The following SEMA4D variants were observed in gnomAD, a reference collection of about 807,000 sequenced individuals.
SEMA4D encodes semaphorin 4D.
In SEMA4D, 22 loss-of-function variants were observed where a neutral mutation model predicts 74.8. The ratio of observed to expected loss-of-function variants is 0.29; its 90% CI spans 0.21 to 0.42. The LOEUF is 0.42. Among genes scored for constraint, SEMA4D ranks in the 10% least tolerant of loss-of-function variants. SEMA4D has a pLI of 1.00. For missense variants in SEMA4D, 937 were observed against 1,118.4 expected (o/e 0.84, Z 2.31); for synonymous variants, 445 against 463.7 (o/e 0.96, Z 0.52).
intron 1 of SEMA4D, among the ~76,000 whole-genome samples, chr9:89,470,881 A>T (rs746530505): frequency 1.3e-5 from 2 of 152,204 alleles, no homozygotes; most frequent in South Asian, 4.1e-4. Context: ...AGCAGTTATA[A>T]GTGATTGGGA....
At chr9:89,461,201 A>C (rs762247286) in intron 1 of SEMA4D, among the ~76,000 whole-genome samples, 4 of 152,184 alleles carry the variant, frequency 2.6e-5, no homozygotes, top group Admixed American at 6.5e-5. Flanking sequence ...TACAAGGCTT[A>C]AGGTGGTGTG....
chr9:89,427,711 T>C (rs572719971), intron 2 of SEMA4D, among the ~76,000 whole-genome samples: 2 of 152,306 alleles, frequency 1.3e-5, no homozygotes, highest in East Asian at 1.9e-4. Flanking sequence ...CCCTGCAAAG[T>C]CCCATCCCGG....
At chr9:89,443,185 G>A (rs1239473970) in intron 2 of SEMA4D, among the ~76,000 whole-genome samples, 1 of 152,232 alleles carries the variant, frequency 6.6e-6, no homozygotes, top group East Asian at 1.9e-4. Context: ...AGACTTCCCT[G>A]TCAGTGGCGG....
At position 89,437,012 on chromosome 9, in the gene SEMA4D, C is replaced by T. The variant is rs540890628; in HGVS notation, c.-244+18876G>A. On this transcript the variant is annotated intron_variant, in intron 2 of 15. Transcript: ENST00000422704. Reference sequence around the variant, plus strand: ...TGTCCAGCCTTGGACTCAGGAATCACGAAGACAGCTCAGTCAAGAGGTAGC... The same window carrying T: ...TGTCCAGCCTTGGACTCAGGAATCATGAAGACAGCTCAGTCAAGAGGTAGC... Among the ~76,000 whole-genome samples, 29 of 152,316 alleles carry T rather than the reference C, an allele frequency of 1.9e-4. No homozygotes were observed. In the East Asian group the frequency reaches 4.8e-3, roughly 25 times the overall value.
chr9:89,366,358 T>TAA (rs1453961315), intron 16 of SEMA4D, among the ~76,000 whole-genome samples: 3 of 152,222 alleles, frequency 2.0e-5, no homozygotes, highest in African/African-American at 7.2e-5. Context: ...ATTGCTTTTA[T>TAA]AATAATAATT....
chr9:89,485,713 G>A lies in SEMA4D; in HGVS notation c.-310+12206C>T, dbSNP rs182279753. Among the ~76,000 whole-genome samples, 13 of 142,952 alleles carry A rather than the reference G, an allele frequency of 9.1e-5. No individual in the cohort carries two copies. The East Asian group carries it at 2.6e-3, about 29-fold the overall frequency. 93.8% of individuals were successfully genotyped at this position (142,952 alleles called of 152,430 possible). A position where few individuals can be genotyped will look rare whatever the true frequency, so the allele number is the denominator to read the frequency against. ...TGAGGCAGGAGAATCACTTGAACTTGGGAGGCAGAGGTTGCAGTGAGCCAA... is the reference window on the plus strand; with the variant it reads ...TGAGGCAGGAGAATCACTTGAACTTAGGAGGCAGAGGTTGCAGTGAGCCAA... On this transcript the variant is annotated intron_variant, in intron 1 of 15. Coordinates refer to ENST00000422704, the MANE Select transcript of SEMA4D (RefSeq NM_001371194.2).
rs1848607826 is a variant in SEMA4D at position 89,428,659 on chromosome 9, A to G, written c.-243-22960T>C. Among the ~76,000 whole-genome samples the G allele has an allele frequency of 2.6e-5, 4 of 152,188 alleles. No individual in the cohort carries two copies. In the South Asian group the frequency reaches 8.3e-4, roughly 32 times the overall value. ...AGCCACTCTGCACACGGCCTGGCCCACTGTCTCCAAGACTGCTTTCTCCTG... is the reference window on the plus strand; with the variant it reads ...AGCCACTCTGCACACGGCCTGGCCCGCTGTCTCCAAGACTGCTTTCTCCTG... On this transcript the variant is annotated intron_variant, in intron 2 of 15. Coordinates refer to ENST00000422704, the MANE Select transcript of SEMA4D (RefSeq NM_001371194.2).
At chr9:89,485,788 C>CAAAAAAAAAAAAAA (rs56056536) in intron 1 of SEMA4D, among the ~76,000 whole-genome samples, 5 of 76,838 alleles carry the variant, frequency 6.5e-5, no homozygotes, top group Admixed American at 3.2e-4. Flanking sequence ...AACTCCATCT[C>CAAAAAAAAAAAAAA]AAAAAAAAAA....
chr9:89,399,719 C>T (rs563525111), intron 4 of SEMA4D, among the ~76,000 whole-genome samples: 6 of 152,182 alleles, frequency 3.9e-5, no homozygotes, highest in Non-Finnish European at 8.8e-5. Context: ...CTCTACAGGC[C>T]GGGCGCAGTG....
intron 16 of SEMA4D, chr9:89,364,270 T>C: frequency 2.4e-6 from 1 of 418,236 alleles, no homozygotes; most frequent in African/African-American, 2.0e-5. Flanking sequence ...TTCTGGGCCT[T>C]GGAACAGCAT....
intron 17 of SEMA4D, chr9:89,363,678 G>A: frequency 6.3e-7 from 1 of 1,591,588 alleles, no homozygotes; most frequent in East Asian, 2.2e-5. Context: ...TTTTTTCACT[G>A]CCATTGTAAA....
chr9:89,370,592 AGT>A (rs552184246), intron 16 of SEMA4D, among the ~76,000 whole-genome samples: 11 of 139,470 alleles, frequency 7.9e-5, no homozygotes, highest in Non-Finnish European at 1.4e-4. Context: ...TGGTCTGTGT[AGT>A]GTGTGTGGTA....
downstream of SEMA4D, among the ~76,000 whole-genome samples, chr9:89,374,059 G>A (rs1835464103): frequency 6.6e-6 from 1 of 152,236 alleles, no homozygotes; most frequent in Non-Finnish European, 1.5e-5. Context: ...TCCCTGGGGA[G>A]GTCTCACAGC....
At chr9:89,455,601 C>T (rs1366096042) in intron 2 of SEMA4D, among the ~76,000 whole-genome samples, 1 of 152,200 alleles carries the variant, frequency 6.6e-6, no homozygotes, top group African/African-American at 2.4e-5. Flanking sequence ...CACCACCAAA[C>T]AAGCCACACT....
intron 8 of SEMA4D, among the ~76,000 whole-genome samples, chr9:89,392,176 C>G (rs1053498373): frequency 6.6e-6 from 1 of 152,190 alleles, no homozygotes; most frequent in African/African-American, 2.4e-5. Flanking sequence ...TGAGAGTCTC[C>G]CAAATCCATT....
chr9:89,461,513 G>A (rs185083937), intron 1 of SEMA4D, among the ~76,000 whole-genome samples: 16 of 152,258 alleles, frequency 1.1e-4, no homozygotes, highest in East Asian at 7.7e-4. Context: ...AGGAGGCAAC[G>A]GTGACTCACT....
At chr9:89,363,258 C>G (rs77928964) in intron 18 of SEMA4D, among the ~76,000 whole-genome samples, 1 of 145,084 alleles carries the variant, frequency 6.9e-6, no homozygotes, top group Non-Finnish European at 1.5e-5. Flanking sequence ...AGCAACAAGA[C>G]GTGGGATTTC....
intron 7 of SEMA4D, among the ~76,000 whole-genome samples, 172 bp downstream of exon 7, chr9:89,393,390 T>C (rs939866119): frequency 6.6e-6 from 1 of 152,202 alleles, no homozygotes; most frequent in Non-Finnish European, 1.5e-5. Context: ...TTGCAAACAA[T>C]GAATTCAAAA....
intron 2 of SEMA4D, among the ~76,000 whole-genome samples, chr9:89,443,845 C>G (rs1318911507): frequency 6.6e-6 from 1 of 152,228 alleles, no homozygotes; most frequent in Non-Finnish European, 1.5e-5. Flanking sequence ...AGATGGGGCA[C>G]AGAGAGCATT....
Sources: allele counts gnomAD v4.1 joint callset (sites outside exome capture counted in the v4.1 genomes callset), GRCh38; gene constraint gnomAD v4.1.1; transcripts MANE v1.5; gene names NCBI Gene and HGNC (gene_info 2026-07-23, HGNC 2026-07-21).